PLS1: variants seen among roughly 807,000 people sequenced by gnomAD.
The protein encoded by PLS1 is plastin-1.
A neutral mutation model predicts 73.7 loss-of-function variants in PLS1; 32 were observed. The ratio of observed to expected loss-of-function variants is 0.43; its 90% CI spans 0.33 to 0.58. The LOEUF (loss-of-function observed/expected upper bound fraction) is 0.58, where lower values mean the gene tolerates loss of function less well. Ranked by LOEUF, PLS1 falls within the 20% of genes least tolerant of loss-of-function variation. The pLI, the probability that PLS1 is intolerant of heterozygous loss-of-function variation, is 0.04. For missense variants in PLS1, 633 were observed against 740.5 expected, an observed-to-expected ratio of 0.85 and a Z score of 1.68; for synonymous variants, 217 against 261.3, an observed-to-expected ratio of 0.83 and a Z score of 1.63.
intron 10 of PLS1, 142 bp from the exon 11 acceptor site, chr3:142,694,327 T>C: frequency 2.1e-6 from 1 of 466,102 alleles, no homozygotes; most frequent in Non-Finnish European, 3.8e-6. Flanking sequence ...AGAGACTTTT[T>C]TTCTCCCTTT....
At chr3:142,669,616 C>T (rs2037562474) in intron 3 of PLS1, 63 bp downstream of exon 3, 5 of 1,117,376 alleles carry the variant, frequency 4.5e-6, no homozygotes, top group Non-Finnish European at 6.4e-6. Context: ...GTAGTAATGT[C>T]ATCACTAGCT....
chr3:142,627,925 TG>T (rs2036465689), intron 1 of PLS1: 1 of 152,058 alleles, frequency 6.6e-6, no homozygotes, highest in Non-Finnish European at 1.5e-5. Context: ...GCCACCATGC[TG>T]GGCCAATCAT....
At chr3:142,687,912 G>A (rs1236994030) in intron 9 of PLS1, among the ~76,000 whole-genome samples, 2 of 150,762 alleles carry the variant, frequency 1.3e-5, no homozygotes, top group Admixed American at 1.3e-4. Flanking sequence ...ATTTGAATTA[G>A]GATCTAAAAT....
At chr3:142,631,158 C>T (rs2108585824) in intron 1 of PLS1, among the ~76,000 whole-genome samples, 1 of 152,012 alleles carries the variant, frequency 6.6e-6, no homozygotes, top group East Asian at 1.9e-4. Flanking sequence ...AGGTGGATCA[C>T]CTGAGCTCAG....
chr3:142,639,567 C>A (rs1423096402), intron 1 of PLS1, among the ~76,000 whole-genome samples: 1 of 152,226 alleles, frequency 6.6e-6, no homozygotes, highest in Non-Finnish European at 1.5e-5. Context: ...TCTTCTTCAT[C>A]TCACCTCCTT....
At chr3:142,623,286 A>G (rs1399025745) in intron 1 of PLS1, 3 of 152,176 alleles carry the variant, frequency 2.0e-5, no homozygotes, top group Non-Finnish European at 4.4e-5. Context: ...CTATAATCAA[A>G]TAGAATGATG....
chr3:142,648,173 G>T (rs562951673), intron 1 of PLS1, among the ~76,000 whole-genome samples: 64 of 152,292 alleles, frequency 4.2e-4, no homozygotes, highest in Non-Finnish European at 2.1e-4. Context: ...GGGCAATGAA[G>T]GAAAAAATTC....
intron 1 of PLS1, among the ~76,000 whole-genome samples, chr3:142,600,928 T>A (rs2035914951): frequency 1.2e-5 from 1 of 82,554 alleles, no homozygotes; most frequent in Non-Finnish European, 2.4e-5. Flanking sequence ...TTTTTTTTTT[T>A]TTTTTTTTTT....
intron 1 of PLS1, among the ~76,000 whole-genome samples, chr3:142,617,587 C>T (rs2036237766): frequency 2.0e-5 from 3 of 152,096 alleles, no homozygotes; most frequent in Admixed American, 1.3e-4. Context: ...GATTCCTAGG[C>T]CCCATCCTAA....
At chr3:142,706,506 G>A (rs959115781) in intron 14 of PLS1, among the ~76,000 whole-genome samples, 1 of 152,146 alleles carries the variant, frequency 6.6e-6, no homozygotes, top group Admixed American at 6.6e-5. Context: ...TGTTGCGCAA[G>A]ACATAAATTG....
intron 1 of PLS1, among the ~76,000 whole-genome samples, chr3:142,630,579 C>T (rs1430661239): frequency 6.6e-6 from 1 of 151,696 alleles, no homozygotes; most frequent in East Asian, 1.9e-4. Flanking sequence ...GGTGAAACTC[C>T]ATCTCTACTA....
rs531528964 is a variant in PLS1 at position 142,711,774 on chromosome 3, G to A, written c.1755-98G>A. The A allele has an allele frequency of 2.7e-4, 386 of 1,434,904 alleles. 7 individuals are homozygous for A. The South Asian group carries it at 3.7e-3, about 14-fold the overall frequency. 88.9% of individuals were successfully genotyped at this position (1,434,904 alleles called of 1,614,324 possible). The stretch of plus-strand genomic sequence containing the variant: ...TAAGACTCACAAACTTAACCTTTTC[G>A]TAAAACTAATCTTGTCAAAATATTT... On this transcript the variant is annotated intron_variant, in intron 15 of 15. Coordinates refer to ENST00000457734, the MANE Select transcript of PLS1 (RefSeq NM_001145319.2).
intron 10 of PLS1, among the ~76,000 whole-genome samples, chr3:142,692,924 GTTTATA>G (rs1486787983): frequency 6.6e-6 from 1 of 152,022 alleles, no homozygotes; most frequent in Non-Finnish European, 1.5e-5. Context: ...ATCATAGTAT[GTTTATA>G]TTTATGTCAC....
intron 11 of PLS1, among the ~76,000 whole-genome samples, chr3:142,697,023 G>A (rs1024846690): frequency 3.9e-5 from 6 of 151,912 alleles, no homozygotes; most frequent in East Asian, 1.9e-4. Context: ...GAACCTTAGC[G>A]AAACATAACT....
intron 1 of PLS1, among the ~76,000 whole-genome samples, chr3:142,629,015 T>C (rs1184531694): frequency 6.6e-6 from 1 of 152,166 alleles, no homozygotes; most frequent in Non-Finnish European, 1.5e-5. Context: ...AGTGATCATG[T>C]GGACTTGTTC....
At chr3:142,648,082 C>T (rs909579183) in intron 1 of PLS1, among the ~76,000 whole-genome samples, 4 of 152,188 alleles carry the variant, frequency 2.6e-5, no homozygotes, top group Admixed American at 2.0e-4. Flanking sequence ...GTGTGTGAGT[C>T]ACCATTTGAT....
At chr3:142,637,948 C>T (rs957121134) in intron 1 of PLS1, among the ~76,000 whole-genome samples, 6 of 151,882 alleles carry the variant, frequency 4.0e-5, no homozygotes, top group Admixed American at 3.9e-4. Flanking sequence ...TACTCATCCT[C>T]CTGCTGTCAC....
chr3:142,697,164 C>A (rs2038228134), intron 11 of PLS1, among the ~76,000 whole-genome samples: 1 of 152,154 alleles, frequency 6.6e-6, no homozygotes, highest in Admixed American at 6.5e-5. Context: ...CATACGTTAA[C>A]CTTCTCAGGA....
chr3:142,693,442 A>G (rs993751827), intron 10 of PLS1, among the ~76,000 whole-genome samples: 4 of 152,218 alleles, frequency 2.6e-5, no homozygotes, highest in Non-Finnish European at 5.9e-5. Flanking sequence ...TGAGTCTCAC[A>G]TGGGCCAAAA....
Sources: gnomAD v4.1 joint callset for allele counts (sites outside exome capture counted in the v4.1 genomes callset) on GRCh38, gnomAD v4.1.1 for gene constraint, MANE v1.5 for transcripts, NCBI Gene and HGNC (gene_info 2026-07-23, HGNC 2026-07-21) for gene names.